RANBP17: variants seen among roughly 807,000 people sequenced by gnomAD.
The protein encoded by RANBP17 is RAN binding protein 17.
RANBP17 carries 158 observed loss-of-function variants against 141.2 expected under a neutral mutation model. The ratio of observed to expected loss-of-function variants is 1.12; its 90% confidence interval spans 0.98 to 1.28. The LOEUF (loss-of-function observed/expected upper bound fraction) is 1.28. Among genes scored for constraint, RANBP17 ranks in the 50% most tolerant of loss-of-function variants. The probability of loss-of-function intolerance (pLI) is 0.00; values close to 1 mark genes in which losing one functional copy is unlikely to be tolerated. For synonymous variants in RANBP17, 430 were observed against 450.0 expected (o/e 0.96, Z 0.56); for missense variants, 1,438 against 1,290.7 (o/e 1.11, Z -1.75).
intron 14 of RANBP17, among the ~76,000 whole-genome samples, chr5:171,149,761 T>C (rs1328285990): frequency 6.6e-6 from 1 of 152,230 alleles, no homozygotes; most frequent in Admixed American, 6.5e-5. Flanking sequence ...ATAATTCTCT[T>C]AAATCTATGG....
At chr5:170,997,808 T>C (rs76758210) in intron 14 of RANBP17, among the ~76,000 whole-genome samples, 2 of 152,128 alleles carry the variant, frequency 1.3e-5, no homozygotes, top group Non-Finnish European at 2.9e-5. Context: ...CTCAACTGTA[T>C]GACAATAGGA....
chr5:171,186,339 T>G (rs1321976558), intron 18 of RANBP17, among the ~76,000 whole-genome samples: 1 of 152,112 alleles, frequency 6.6e-6, no homozygotes, highest in African/African-American at 2.4e-5. Flanking sequence ...CATCAGCACT[T>G]GGCTGCTTCA....
chr5:171,218,537 A>G (rs1483435930), intron 21 of RANBP17, among the ~76,000 whole-genome samples: 1 of 152,036 alleles, frequency 6.6e-6, no homozygotes, highest in Non-Finnish European at 1.5e-5. Flanking sequence ...ATCTCTTTAT[A>G]TGTCTCTAAG....
chr5:171,096,333 TTA>T (rs1561649976), intron 14 of RANBP17, among the ~76,000 whole-genome samples: 1 of 152,238 alleles, frequency 6.6e-6, no homozygotes, highest in Non-Finnish European at 1.5e-5. Flanking sequence ...ATCATACTTA[TTA>T]ACTTATTGTT....
intron 14 of RANBP17, among the ~76,000 whole-genome samples, chr5:170,991,679 C>G (rs1778520178): frequency 1.3e-5 from 2 of 151,884 alleles, no homozygotes; most frequent in African/African-American, 4.8e-5. Context: ...TATCAGTTTC[C>G]TAACCTGTCA....
chr5:171,042,446 G>A (rs1782313294), intron 14 of RANBP17, among the ~76,000 whole-genome samples: 1 of 152,030 alleles, frequency 6.6e-6, no homozygotes, highest in Admixed American at 6.6e-5. Flanking sequence ...ATAGTGCATG[G>A]CTTTTGTACG....
At chr5:171,068,881 C>G (rs903855575) in intron 14 of RANBP17, among the ~76,000 whole-genome samples, 1 of 152,198 alleles carries the variant, frequency 6.6e-6, no homozygotes, top group Admixed American at 6.5e-5. Flanking sequence ...GCCACCACAC[C>G]CAGCTGGTGC....
At chr5:170,901,867 G>T (rs1770665916) in intron 5 of RANBP17, among the ~76,000 whole-genome samples, 1 of 152,196 alleles carries the variant, frequency 6.6e-6, no homozygotes, top group African/African-American at 2.4e-5. Context: ...CTTCTGGCTT[G>T]TAGGGTTTCT....
At chr5:171,252,798 T>G in intron 24 of RANBP17, 1 of 1,231,412 alleles carries the variant, frequency 8.1e-7, no homozygotes, top group Non-Finnish European at 1.2e-6. Context: ...GCAGCCTCAT[T>G]GTCAGCATTG....
chr5:171,102,381 A>G (rs187433285), intron 14 of RANBP17, among the ~76,000 whole-genome samples: 244 of 151,368 alleles, frequency 1.6e-3, no homozygotes, highest in Admixed American at 3.0e-3. Context: ...CGCTTGATTG[A>G]TTTGGCTATT....
chr5:171,214,032 A>G (rs1174862312), intron 21 of RANBP17, among the ~76,000 whole-genome samples: 4 of 152,202 alleles, frequency 2.6e-5, no homozygotes, highest in Admixed American at 1.3e-4. Flanking sequence ...GAGGGCAGCT[A>G]TTTTAACTAT....
intron 14 of RANBP17, among the ~76,000 whole-genome samples, chr5:171,135,119 A>T (rs115632715): frequency 0.046 from 6,984 of 151,478 alleles, 314 homozygotes; most frequent in African/African-American, 0.12. Context: ...AATAAAAAAA[A>T]AATAATAATA....
intron 14 of RANBP17, among the ~76,000 whole-genome samples, chr5:171,151,771 AAG>A (rs773812371): frequency 7.2e-5 from 11 of 152,134 alleles, no homozygotes; most frequent in Non-Finnish European, 1.6e-4. Flanking sequence ...ACCAAGGAAA[AAG>A]AGCCAAAATT....
At chr5:170,942,827 A>G (rs1257783031) in intron 12 of RANBP17, among the ~76,000 whole-genome samples, 3 of 152,210 alleles carry the variant, frequency 2.0e-5, no homozygotes, top group Admixed American at 1.3e-4. Context: ...TTTTCCTTCA[A>G]AAGGATATTG....
intron 14 of RANBP17, among the ~76,000 whole-genome samples, chr5:171,128,719 T>G (rs1356969620): frequency 6.6e-6 from 1 of 152,168 alleles, no homozygotes; most frequent in Non-Finnish European, 1.5e-5. Flanking sequence ...CCTAAACATC[T>G]TGATTTTATC....
chr5:171,089,208 A>G lies in RANBP17; in HGVS notation c.1711-80922A>G, dbSNP rs553412942. ...GACCCTCAGCTGCAGGTCTGTTGGA[A>G]TACCCTGCAGTGTGAGGTGTCAGTG... On this transcript the variant is annotated intron_variant, in intron 14 of 27. Coordinates refer to ENST00000523189, the MANE Select transcript of RANBP17 (RefSeq NM_022897.5). 8.7e-3 allele frequency among the ~76,000 whole-genome samples: 1,160 copies of G among 133,304 alleles called. 22 individuals are homozygous for G. Among genetic ancestry groups the G allele is most frequent in the African/African-American group, 0.028 (1,064 of 38,138 alleles). 87.5% of individuals were successfully genotyped at this position (133,304 alleles called of 152,430 possible). A position where few individuals can be genotyped will look rare whatever the true frequency, so the allele number is the denominator to read the frequency against.
chr5:170,993,042 T>G (rs531145704), intron 14 of RANBP17, among the ~76,000 whole-genome samples: 29 of 152,138 alleles, frequency 1.9e-4, no homozygotes, highest in African/African-American at 3.9e-4. Flanking sequence ...GAACTAGGTT[T>G]GTTTGTTTGG....
rs747785311 is a variant in RANBP17 at position 170,914,153 on chromosome 5, A to AT, written c.761-6dup. On this transcript the variant is annotated splice_polypyrimidine_tract_variant and intron_variant, in intron 7 of 27. Transcript: ENST00000523189. ...TTGAAAGTAATGGTGTTAGAAAATAATTTTTTTTCCCAGTTTTCCTGGAAC... is the reference window on the plus strand; with the variant it reads ...TTGAAAGTAATGGTGTTAGAAAATAATTTTTTTTTCCCAGTTTTCCTGGAAC... The AT allele has an allele frequency of 2.5e-5, 39 of 1,554,808 alleles. No homozygotes were observed. Among genetic ancestry groups the AT allele is most frequent in the Non-Finnish European group, 3.0e-5 (34 of 1,127,826 alleles).
chr5:171,134,474 G>T (rs1304533327), intron 14 of RANBP17, among the ~76,000 whole-genome samples: 1 of 152,168 alleles, frequency 6.6e-6, no homozygotes, highest in East Asian at 1.9e-4. Context: ...ATCTGTTTTT[G>T]AAGTTGTGGG....
Sources: gnomAD v4.1 joint callset for allele counts (sites outside exome capture counted in the v4.1 genomes callset) on GRCh38, gnomAD v4.1.1 for gene constraint, MANE v1.5 for transcripts, NCBI Gene and HGNC (gene_info 2026-07-23, HGNC 2026-07-21) for gene names.